The following FAM107B variants were observed in gnomAD, a reference collection of about 807,000 sequenced individuals.
FAM107B encodes protein FAM107B.
Under a neutral mutation model 31.5 loss-of-function variants are expected in FAM107B, and 21 were observed. The ratio of observed to expected loss-of-function variants is 0.67; its 90% CI spans 0.47 to 0.96. The LOEUF is 0.96. Ranked by LOEUF, FAM107B falls within the 40% of genes least tolerant of loss-of-function variation. The pLI, the probability that FAM107B is intolerant of heterozygous loss-of-function variation, is 0.00. For missense variants in FAM107B, 452 were observed against 377.1 expected (o/e 1.20, Z -1.64); for synonymous variants, 157 against 141.5 (o/e 1.11, Z -0.78).
chr10:14,587,180 G>A (rs948411521), intron 2 of FAM107B, among the ~76,000 whole-genome samples: 2 of 152,092 alleles, frequency 1.3e-5, no homozygotes, highest in East Asian at 1.9e-4. Context: ...AAGCACTTAC[G>A]ACATGCCACC....
intron 2 of FAM107B, among the ~76,000 whole-genome samples, chr10:14,533,653 G>A (rs768325020): frequency 1.2e-4 from 19 of 152,316 alleles, no homozygotes; most frequent in Non-Finnish European, 2.2e-4. Context: ...ACTAGAGACA[G>A]CATAAGATGC....
chr10:14,585,898 T>C (rs997094739), intron 2 of FAM107B, among the ~76,000 whole-genome samples: 7 of 152,136 alleles, frequency 4.6e-5, no homozygotes, highest in African/African-American at 1.7e-4. Context: ...CTGTTACTAA[T>C]TACACCTGGA....
intron 1 of FAM107B, among the ~76,000 whole-genome samples, chr10:14,699,005 C>G (rs1274413409): frequency 6.6e-6 from 1 of 152,088 alleles, no homozygotes; most frequent in Non-Finnish European, 1.5e-5. Flanking sequence ...GAGAACAGCA[C>G]AGGTCTGAGT....
chr10:14,558,020 C>G (rs565554324), intron 2 of FAM107B, among the ~76,000 whole-genome samples: 1 of 152,374 alleles, frequency 6.6e-6, no homozygotes, highest in East Asian at 1.9e-4. Context: ...TCGAATTCGT[C>G]TTTTGAGCTC....
At chr10:14,625,610 G>T (rs981119163) in intron 2 of FAM107B, among the ~76,000 whole-genome samples, 2 of 152,136 alleles carry the variant, frequency 1.3e-5, no homozygotes, top group South Asian at 2.1e-4. Context: ...GCGTGCAAGA[G>T]AAACAGGCAG....
chr10:14,654,373 C>A (rs1853984352), intron 2 of FAM107B, among the ~76,000 whole-genome samples: 1 of 152,166 alleles, frequency 6.6e-6, no homozygotes, highest in Non-Finnish European at 1.5e-5. Flanking sequence ...GGAATATAGA[C>A]CGCATATTAA....
chr10:14,569,554 T>A (rs1044194292), intron 2 of FAM107B, among the ~76,000 whole-genome samples: 1 of 152,066 alleles, frequency 6.6e-6, no homozygotes, highest in African/African-American at 2.4e-5. Flanking sequence ...AGAAAAAAAT[T>A]CCTCAACTCA....
At chr10:14,567,851 G>C (rs1012131911) in intron 2 of FAM107B, among the ~76,000 whole-genome samples, 8 of 152,110 alleles carry the variant, frequency 5.3e-5, no homozygotes, top group Non-Finnish European at 1.2e-4. Context: ...TGTCTTTTTA[G>C]GGTAACCTCC....
chr10:14,714,945 C>A (rs1286427002), intron 1 of FAM107B, among the ~76,000 whole-genome samples: 1 of 152,024 alleles, frequency 6.6e-6, no homozygotes, highest in Non-Finnish European at 1.5e-5. Flanking sequence ...CTTCACAGAC[C>A]AGCAAGAGAC....
Position 14,537,157 on chromosome 10 carries a change from T to C in FAM107B, c.470-6642A>G, listed in dbSNP as rs550951115. ...CCAGACCTGGAATGGCAGGTCCGCT[T>C]TCCTTAGGACAGCCAGAGTGGAGCA... On this transcript the variant is annotated intron_variant, in intron 2 of 4. Coordinates refer to ENST00000181796, the MANE Select transcript of FAM107B (RefSeq NM_031453.4). 9.6e-4 allele frequency among the ~76,000 whole-genome samples: 146 copies of C among 152,176 alleles called. 1 individual carries two copies. The highest frequency in any genetic ancestry group is 3.1e-3 in the African/African-American group (128 of 41,526).
chr10:14,651,954 G>T (rs7079086), intron 2 of FAM107B, among the ~76,000 whole-genome samples: 3 of 152,116 alleles, frequency 2.0e-5, no homozygotes, highest in East Asian at 1.9e-4. Context: ...TTCATACAGA[G>T]GTGAAGTGGA....
intron 2 of FAM107B, among the ~76,000 whole-genome samples, chr10:14,590,765 C>T: frequency 6.6e-6 from 1 of 151,384 alleles, no homozygotes; most frequent in Non-Finnish European, 1.5e-5. Flanking sequence ...GCGGATCACC[C>T]AAGGTCAGAA....
chr10:14,674,446 T>C (rs1422851931), intron 1 of FAM107B, among the ~76,000 whole-genome samples: 1 of 152,200 alleles, frequency 6.6e-6, no homozygotes, highest in African/African-American at 2.4e-5. Flanking sequence ...AAATTGCTTA[T>C]GCACCCTTTA....
At chr10:14,772,414 TC>T (rs1833328009) in intron 1 of FAM107B, among the ~76,000 whole-genome samples, 1 of 151,620 alleles carries the variant, frequency 6.6e-6, no homozygotes, top group African/African-American at 2.4e-5. Context: ...GCTGAGATAC[TC>T]TGTGTAAAGC....
rs1174004988 is a variant in FAM107B at position 14,774,764 on chromosome 10, G to A, written c.-101C>T. On this transcript the variant is annotated 5_prime_UTR_variant, in exon 1 of 5. Transcript: ENST00000181796. ...TTATAGGAACTCTTTCCAATTGCCC[G>A]AAGAGAAGAACTTGCTAGTGGTTGC... 27 of 1,307,708 alleles carry A rather than the reference G, an allele frequency of 2.1e-5. No individual in the cohort carries two copies. Among genetic ancestry groups the A allele is most frequent in the African/African-American group, 1.9e-4 (13 of 67,806 alleles). 81.0% of individuals were successfully genotyped at this position (1,307,708 alleles called of 1,614,324 possible). A position where few individuals can be genotyped will look rare whatever the true frequency, so the allele number is the denominator to read the frequency against.
rs116663804 is a variant in FAM107B, at chr10:14,704,732, T to C, written c.412-37041A>G. Among the ~76,000 whole-genome samples the C allele has an allele frequency of 1.3e-3, 197 of 152,068 alleles. 2 individuals carry two copies. The highest frequency in any genetic ancestry group is 4.6e-3 in the African/African-American group (192 of 41,504). On this transcript the variant is annotated intron_variant, in intron 1 of 4. Coordinates refer to ENST00000181796, the MANE Select transcript of FAM107B (RefSeq NM_031453.4). ...ACAAAACAAACAATCTAATTCAAAA[T>C]AGGCAAAAGGGCCAGGTGTGGTGGC...
intron 2 of FAM107B, among the ~76,000 whole-genome samples, chr10:14,594,512 A>G (rs59642620): frequency 0.21 from 31,798 of 149,298 alleles, 3,690 homozygotes; most frequent in East Asian, 0.39. Flanking sequence ...AAAAAAAAAA[A>G]AAAAACAAAA....
chr10:14,744,265 T>C (rs1316669203), intron 1 of FAM107B, among the ~76,000 whole-genome samples: 1 of 152,174 alleles, frequency 6.6e-6, no homozygotes, highest in Admixed American at 6.5e-5. Flanking sequence ...CAATGGGGTT[T>C]TTTAGATATA....
intron 1 of FAM107B, among the ~76,000 whole-genome samples, chr10:14,711,527 C>T (rs1253844443): frequency 6.6e-6 from 1 of 152,202 alleles, no homozygotes; most frequent in African/African-American, 2.4e-5. Context: ...GGCTATACCG[C>T]CTAGCCTAGC....
Sources: gnomAD v4.1 joint callset for allele counts (sites outside exome capture counted in the v4.1 genomes callset) on GRCh38, gnomAD v4.1.1 for gene constraint, MANE v1.5 for transcripts, NCBI Gene and HGNC (gene_info 2026-07-23, HGNC 2026-07-21) for gene names.